Variants in USP12 observed in about 807,000 individuals in gnomAD.
USP12 encodes ubiquitin carboxyl-terminal hydrolase 12.
USP12 carries 19 observed loss-of-function variants against 45.5 expected under a neutral mutation model. The ratio of observed to expected loss-of-function variants is 0.42; its 90% confidence interval spans 0.29 to 0.61. The LOEUF is 0.61. Among genes scored for constraint, USP12 ranks in the 20% least tolerant of loss-of-function variants. The pLI is 0.22. For synonymous variants in USP12, 149 were observed against 148.8 expected (o/e 1.00, Z -0.01); for missense variants, 242 against 447.7 (o/e 0.54, Z 4.15).
Position 27,066,582 on chromosome 13 carries a change from C to T in USP12, c.*2701G>A, listed in dbSNP as rs971356862. ...TCCCTCTTTCCCTGTTCCCAAGCCT[C>T]CTGGTTCCTGTCTTAAATAATCTTT... On this transcript the variant is annotated 3_prime_UTR_variant, in exon 9 of 9. Coordinates refer to ENST00000282344, the MANE Select transcript of USP12 (RefSeq NM_182488.4). The T allele has an allele frequency of 6.6e-6, 1 of 152,160 alleles. No individual in the cohort carries two copies. The highest frequency in any genetic ancestry group is 1.5e-5 in the Non-Finnish European group (1 of 68,032). The allele number at this position is 152,160 out of a possible 1,614,324, so 9.4% of individuals were successfully genotyped here. A position where few individuals can be genotyped will look rare whatever the true frequency, so the allele number is the denominator to read the frequency against.
intron 6 of USP12, among the ~76,000 whole-genome samples, chr13:27,084,465 C>G (rs1202731580): frequency 6.9e-6 from 1 of 144,324 alleles, no homozygotes; most frequent in East Asian, 2.1e-4. Flanking sequence ...AAGATCATGC[C>G]ACTGCACTCC....
chr13:27,068,244 T>C lies in USP12; in HGVS notation c.*1039A>G, dbSNP rs1783399700. 6.6e-6 allele frequency: 1 copy of C among 152,630 alleles called. No individual in the cohort carries two copies. Among genetic ancestry groups the C allele is most frequent in the Admixed American group, 6.5e-5 (1 of 15,268 alleles). The allele number at this position is 152,630 out of a possible 1,614,324, so 9.5% of individuals were successfully genotyped here. A position where few individuals can be genotyped will look rare whatever the true frequency, so the allele number is the denominator to read the frequency against. ...TAGAATACTTAAGAATTCTAAAGAT[T>C]GGTATACCACCACTGCACCAGAATT... On this transcript the variant is annotated 3_prime_UTR_variant, in exon 9 of 9. Transcript: ENST00000282344.
At chr13:27,169,772 G>A (rs1878500566) in intron 1 of USP12, among the ~76,000 whole-genome samples, 4 of 152,170 alleles carry the variant, frequency 2.6e-5, no homozygotes, top group Admixed American at 2.6e-4. Context: ...TACTGTTTGT[G>A]TCCATGAGCA....
At chr13:27,089,047 A>G (rs1320953160) in intron 6 of USP12, among the ~76,000 whole-genome samples, 5 of 152,236 alleles carry the variant, frequency 3.3e-5, no homozygotes, top group Non-Finnish European at 5.9e-5. Context: ...TAACTAACTT[A>G]TGATTATCAA....
chr13:27,108,248 T>C lies in USP12; in HGVS notation c.130-2304A>G, dbSNP rs570736061. ...GTCCTTTGTAGGGACATGGATGAAA[T>C]TGGAAATCATCATTCTCAGGAAACT... is the stretch of plus-strand genomic sequence containing the variant. On this transcript the variant is annotated intron_variant, in intron 2 of 8. Transcript: ENST00000282344. Among the ~76,000 whole-genome samples, 48 of 151,976 alleles carry C rather than the reference T, an allele frequency of 3.2e-4. 1 individual carries two copies. The highest frequency in any genetic ancestry group is 5.2e-4 in the Admixed American group (8 of 15,254).
chr13:27,132,188 C>G (rs1482022110), intron 1 of USP12, among the ~76,000 whole-genome samples: 1 of 152,164 alleles, frequency 6.6e-6, no homozygotes, highest in African/African-American at 2.4e-5. Context: ...TTTACATTAG[C>G]TTCTATAATT....
chr13:27,069,299 T>C lies in USP12; in HGVS notation c.1097A>G (p.Tyr366Cys), dbSNP rs1873129873. The C allele has an allele frequency of 1.9e-6, 3 of 1,611,622 alleles. No individual in the cohort carries two copies. The highest frequency in any genetic ancestry group is 2.5e-6 in the Non-Finnish European group (3 of 1,179,396). Residue 366 changes from tyrosine to cysteine, a missense_variant, in exon 9 of 9, where the codon TAT (tyrosine) becomes TGT (cysteine). Tyr to Cys is a radical substitution (Grantham distance 194). Coordinates refer to ENST00000282344, the MANE Select transcript of USP12 (RefSeq NM_182488.4). ...KNSESGYILFYQSRD is the reference protein window; with the variant it reads ...KNSESGYILFCQSRD ...GGTTCCCTCTCAGTCCCGAGACTGATAGAAAAGGATGTAACCAGACTCAGA... is the reference window on the plus strand; with the variant it reads ...GGTTCCCTCTCAGTCCCGAGACTGACAGAAAAGGATGTAACCAGACTCAGA...
At chr13:27,098,389 A>C (rs1004571154) in intron 3 of USP12, among the ~76,000 whole-genome samples, 1 of 152,130 alleles carries the variant, frequency 6.6e-6, no homozygotes, top group African/African-American at 2.4e-5. Flanking sequence ...TTTACAAAAC[A>C]AGAAAAAAAA....
At chr13:27,170,981 T>C (rs1282678699) in intron 1 of USP12, among the ~76,000 whole-genome samples, 1 of 152,178 alleles carries the variant, frequency 6.6e-6, no homozygotes, top group Non-Finnish European at 1.5e-5. Context: ...GGTCGGGGAC[T>C]CGGCCCAGCC....
At chr13:27,075,170 T>C (rs770058125) in intron 7 of USP12, 21 bp downstream of exon 7, 5 of 1,613,148 alleles carry the variant, frequency 3.1e-6, no homozygotes, top group Non-Finnish European at 3.4e-6. Context: ...TCCACTACTA[T>C]GTCCCCGGAG....
chr13:27,152,738 A>T (rs112544541), intron 1 of USP12, among the ~76,000 whole-genome samples: 3 of 151,598 alleles, frequency 2.0e-5, no homozygotes, highest in African/African-American at 7.3e-5. Context: ...GTCAGGAGAT[A>T]GAGACCATCC....
chr13:27,152,338 A>T (rs976313333), intron 1 of USP12, among the ~76,000 whole-genome samples: 1 of 152,214 alleles, frequency 6.6e-6, no homozygotes, highest in African/African-American at 2.4e-5. Context: ...AACATAAATG[A>T]ACCTTGAAAA....
intron 1 of USP12, among the ~76,000 whole-genome samples, chr13:27,167,418 T>C (rs775511468): frequency 1.3e-5 from 2 of 152,188 alleles, no homozygotes; most frequent in Non-Finnish European, 2.9e-5. Flanking sequence ...ATTCAAAAGA[T>C]GAGTGGGCTT....
chr13:27,165,394 A>G (rs1878305971), intron 1 of USP12, among the ~76,000 whole-genome samples: 1 of 152,206 alleles, frequency 6.6e-6, no homozygotes, highest in African/African-American at 2.4e-5. Flanking sequence ...TGACAATTGT[A>G]TTTCACAAAA....
At chr13:27,139,193 T>C (rs183108890) in intron 1 of USP12, among the ~76,000 whole-genome samples, 35 of 152,360 alleles carry the variant, frequency 2.3e-4, no homozygotes, top group Admixed American at 2.0e-3. Flanking sequence ...CAGAGCTTTC[T>C]ATGTATCGAT....
intron 4 of USP12, among the ~76,000 whole-genome samples, chr13:27,093,283 A>G (rs564336230): frequency 4.2e-4 from 62 of 148,762 alleles, no homozygotes; most frequent in Non-Finnish European, 8.0e-4. Context: ...CCACCTGATT[A>G]TGAACTAGTA....
chr13:27,095,502 A>T, intron 4 of USP12, 99 bp downstream of exon 4: 2 of 882,688 alleles, frequency 2.3e-6, no homozygotes, highest in Non-Finnish European at 1.7e-6. Context: ...CCTAAGAATT[A>T]CAACTTTCAA....
intron 1 of USP12, among the ~76,000 whole-genome samples, chr13:27,122,523 G>A (rs1291421544): frequency 6.6e-5 from 10 of 152,116 alleles, no homozygotes; most frequent in African/African-American, 2.2e-4. Flanking sequence ...ATGGTGGCAT[G>A]CACCTGTAGT....
intron 1 of USP12, among the ~76,000 whole-genome samples, chr13:27,164,306 T>A (rs955684233): frequency 2.6e-5 from 4 of 152,224 alleles, no homozygotes; most frequent in African/African-American, 4.8e-5. Context: ...AAACATCTAC[T>A]TCTTGTTTTC....
Sources: gnomAD v4.1 joint callset for allele counts (sites outside exome capture counted in the v4.1 genomes callset) on GRCh38, gnomAD v4.1.1 for gene constraint, MANE v1.5 for transcripts, NCBI Gene and HGNC (gene_info 2026-07-23, HGNC 2026-07-21) for gene names.